ANK2: variants seen among roughly 807,000 people sequenced by gnomAD.
ANK2 encodes ankyrin-2.
In ANK2, 83 loss-of-function variants were observed where a neutral mutation model predicts 360.5. That is an observed-to-expected ratio of 0.23 (90% CI 0.19 to 0.28). The LOEUF (loss-of-function observed/expected upper bound fraction) is 0.28. Ranked by LOEUF, ANK2 falls within the 10% of genes least tolerant of loss-of-function variation. The pLI is 1.00. For synonymous variants in ANK2, 1,740 were observed against 1,759.5 expected (o/e 0.99, Z 0.28); for missense variants, 4,201 against 4,795.7 (o/e 0.88, Z 3.66).
At chr4:112,748,866 A>G in the ANK2 span, among the ~76,000 whole-genome samples, 4 of 152,350 alleles carry the variant, frequency 2.6e-5, no homozygotes, top group South Asian at 8.3e-4. Flanking sequence ...GTCCTTTAAA[A>G]TAAAGTCAGT....
chr4:112,815,526 A>G (rs2055567070), upstream of ANK2, among the ~76,000 whole-genome samples: 1 of 152,166 alleles, frequency 6.6e-6, no homozygotes, highest in Non-Finnish European at 1.5e-5. Context: ...ACCAAACCTG[A>G]GTTTATGCTA....
intron 2 of ANK2, among the ~76,000 whole-genome samples, chr4:113,015,279 A>G (rs984991936): frequency 6.6e-5 from 10 of 152,166 alleles, no homozygotes; most frequent in African/African-American, 2.4e-4. Context: ...ATTTTCTCCT[A>G]TCTGTGAGAA....
chr4:113,233,273 T>A (rs997660002), intron 5 of ANK2, among the ~76,000 whole-genome samples: 3 of 149,090 alleles, frequency 2.0e-5, no homozygotes, highest in Non-Finnish European at 4.5e-5. Flanking sequence ...TAGCTGGGAC[T>A]ACAGGCGCCC....
chr4:113,227,746 G>A (rs2099242796), intron 4 of ANK2, among the ~76,000 whole-genome samples: 1 of 152,114 alleles, frequency 6.6e-6, no homozygotes, highest in Non-Finnish European at 1.5e-5. Context: ...TCAAGACTTT[G>A]GCTTAATTAC....
intron 1 of ANK2, among the ~76,000 whole-genome samples, chr4:112,839,069 C>T (rs1355845894): frequency 6.6e-6 from 1 of 152,126 alleles, no homozygotes; most frequent in Non-Finnish European, 1.5e-5. Context: ...GTAATCTTTC[C>T]ATTCTCAGAA....
At chr4:113,289,215 C>CTTTTTTTTTTTTTTTTTTTTTTTTTT (rs33910138) in intron 20 of ANK2, among the ~76,000 whole-genome samples, 1 of 132,284 alleles carries the variant, frequency 7.6e-6, no homozygotes. Flanking sequence ...ATTTCTTTTT[C>CTTTTTTTTTTTTTTTTTTTTTTTTTT]TTTTTTTTTT....
At chr4:113,127,760 G>C (rs115515707) in intron 1 of ANK2, among the ~76,000 whole-genome samples, 1 of 152,086 alleles carries the variant, frequency 6.6e-6, no homozygotes, top group Non-Finnish European at 1.5e-5. Context: ...GGTATGGAAG[G>C]TTCCTGTGAT....
the ANK2 span, among the ~76,000 whole-genome samples, chr4:112,803,806 G>A: frequency 6.6e-6 from 1 of 151,976 alleles, no homozygotes; most frequent in Non-Finnish European, 1.5e-5. Flanking sequence ...TTTGATCAGT[G>A]GATGTTTGTT....
chr4:112,971,952 T>C (rs1363497609), intron 2 of ANK2, among the ~76,000 whole-genome samples: 3 of 152,208 alleles, frequency 2.0e-5, no homozygotes. Flanking sequence ...AAGATGCACC[T>C]ACTTGAACCA....
At chr4:112,740,433 G>A in the ANK2 span, among the ~76,000 whole-genome samples, 114 of 151,946 alleles carry the variant, frequency 7.5e-4, 1 homozygote, top group African/African-American at 2.6e-3. Context: ...GGCTGGGTGC[G>A]ATGGCTCACA....
chr4:113,237,658 CT>C, intron 7 of ANK2, 36 bp downstream of exon 7: 1 of 1,564,254 alleles, frequency 6.4e-7, no homozygotes, highest in Non-Finnish European at 8.8e-7. Flanking sequence ...TTTACCTTGT[CT>C]TTATTTTTAG....
intron 45 of ANK2, among the ~76,000 whole-genome samples, chr4:113,375,627 A>T (rs1000397497): frequency 1.3e-5 from 2 of 151,976 alleles, no homozygotes; most frequent in Non-Finnish European, 2.9e-5. Context: ...CGGGAGGCTG[A>T]GGCAGGAGAA....
chr4:113,201,605 T>G (rs535908378), intron 4 of ANK2, among the ~76,000 whole-genome samples: 1 of 152,212 alleles, frequency 6.6e-6, no homozygotes, highest in Non-Finnish European at 1.5e-5. Context: ...CACCTATACA[T>G]TGGTGCTGTT....
At chr4:112,929,495 A>G (rs898612306) in intron 2 of ANK2, among the ~76,000 whole-genome samples, 1 of 152,230 alleles carries the variant, frequency 6.6e-6, no homozygotes, top group Non-Finnish European at 1.5e-5. Flanking sequence ...GTTGTGACCA[A>G]TCTTCATCCA....
intron 2 of ANK2, among the ~76,000 whole-genome samples, chr4:112,943,681 G>C (rs930533825): frequency 3.3e-5 from 5 of 152,156 alleles, no homozygotes. Flanking sequence ...ATGTGTGTGT[G>C]AGTGTGTATA....
At chr4:113,263,047 G>T (rs2053876837) in intron 13 of ANK2, among the ~76,000 whole-genome samples, 2 of 151,598 alleles carry the variant, frequency 1.3e-5, no homozygotes, top group Admixed American at 6.6e-5. Flanking sequence ...AATTAGCTGG[G>T]CATGGTGGCG....
chr4:112,830,868 G>A (rs1398911537), intron 1 of ANK2, among the ~76,000 whole-genome samples: 1 of 152,192 alleles, frequency 6.6e-6, no homozygotes, highest in Non-Finnish European at 1.5e-5. Context: ...CGGGTTCCAG[G>A]TGGGCACGGG....
intron 2 of ANK2, among the ~76,000 whole-genome samples, chr4:113,017,514 T>A (rs901193229): frequency 1.3e-5 from 2 of 152,224 alleles, no homozygotes; most frequent in Non-Finnish European, 2.9e-5. Flanking sequence ...ATTAGAACTA[T>A]CATACATTTT....
intron 7 of ANK2, 149 bp from the exon 8 acceptor site, chr4:113,240,336 A>C (rs952770117): frequency 1.5e-5 from 10 of 673,192 alleles, no homozygotes; most frequent in South Asian, 6.5e-5. Context: ...GTACCACCTT[A>C]TAACATTAAG....
Sources: allele counts gnomAD v4.1 joint callset (sites outside exome capture counted in the v4.1 genomes callset), GRCh38; gene constraint gnomAD v4.1.1; transcripts MANE v1.5; gene names NCBI Gene and HGNC (gene_info 2026-07-23, HGNC 2026-07-21).